SPTY2D1: variants seen among roughly 807,000 people sequenced by gnomAD.
The protein encoded by SPTY2D1 is protein SPT2 homolog.
Under a neutral mutation model 64.0 loss-of-function variants are expected in SPTY2D1, and 21 were observed. The ratio of observed to expected loss-of-function variants is 0.33; its 90% confidence interval spans 0.23 to 0.47. The LOEUF is 0.47. Ranked by LOEUF, SPTY2D1 falls within the 20% of genes least tolerant of loss-of-function variation. The pLI is 1.00. For synonymous variants in SPTY2D1, 287 were observed against 286.8 expected, an observed-to-expected ratio of 1.00 and a Z score of -0.01; for missense variants, 724 against 837.2, an observed-to-expected ratio of 0.86 and a Z score of 1.67.
At chr11:18,623,643 C>T (rs1369463088) in intron 1 of SPTY2D1, among the ~76,000 whole-genome samples, 1 of 152,172 alleles carries the variant, frequency 6.6e-6, no homozygotes, top group Non-Finnish European at 1.5e-5. Context: ...AAGAGCAAAA[C>T]CCGAGGCTTC....
At chr11:18,627,480 C>T (rs1211133798) in intron 1 of SPTY2D1, among the ~76,000 whole-genome samples, 1 of 147,038 alleles carries the variant, frequency 6.8e-6, no homozygotes, top group East Asian at 2.1e-4. Context: ...TGGTGGCTCA[C>T]ATCTGTAATC....
chr11:18,610,686 A>AAAAAAAAAAAAAAAAC (rs1554987436), intron 5 of SPTY2D1, among the ~76,000 whole-genome samples: 3 of 147,296 alleles, frequency 2.0e-5, no homozygotes, highest in African/African-American at 5.1e-5. Context: ...AAAAAAAAAA[A>AAAAAAAAAAAAAAAAC]AACAACAATA....
Position 18,613,850 on chromosome 11 carries a change from C to A in SPTY2D1, c.1711+713G>T, listed in dbSNP as rs75663395. On this transcript the variant is annotated intron_variant, in intron 3 of 5. Transcript: ENST00000336349. ...TACTAACCATTATAACAAGCAGAAACACAAGTACAATCTAAAAACAGTTCC... is the reference window on the plus strand; with the variant it reads ...TACTAACCATTATAACAAGCAGAAAAACAAGTACAATCTAAAAACAGTTCC... Among the ~76,000 whole-genome samples the A allele has an allele frequency of 8.1e-3, 1,232 of 152,148 alleles. 5 individuals carry two copies. The highest frequency in any genetic ancestry group is 0.012 in the Non-Finnish European group (787 of 68,014).
chr11:18,610,642 GGC>G (rs1854186883), intron 5 of SPTY2D1, among the ~76,000 whole-genome samples: 1 of 145,846 alleles, frequency 6.9e-6, no homozygotes, highest in Admixed American at 7.0e-5. Context: ...CTCCAGCCTT[GGC>G]GACAGAGCAA....
intron 1 of SPTY2D1, among the ~76,000 whole-genome samples, chr11:18,621,291 G>C (rs1854391844): frequency 7.0e-6 from 1 of 143,620 alleles, no homozygotes; most frequent in African/African-American, 2.7e-5. Flanking sequence ...ACTCTACCCT[G>C]GGTGAGAAGA....
At chr11:18,632,672 C>T (rs981776043) in intron 1 of SPTY2D1, among the ~76,000 whole-genome samples, 2 of 152,124 alleles carry the variant, frequency 1.3e-5, no homozygotes, top group Middle Eastern at 3.2e-3. Context: ...TTACTTTTTT[C>T]CCCTTTTTGA....
Position 18,615,839 on chromosome 11 carries a change from T to G in SPTY2D1, c.435A>C (p.Glu145Asp). ...NHAESEQEYEEEQEPPKVESK... is the reference protein window; with the variant it reads ...NHAESEQEYEDEQEPPKVESK... ...TTTCAACTTTGGGAGGTTCTTGCTCTTCCTCATACTCCTGCTCTGACTCTG... is the reference window on the plus strand; with the variant it reads ...TTTCAACTTTGGGAGGTTCTTGCTCGTCCTCATACTCCTGCTCTGACTCTG... Residue 145 changes from glutamate (E) to aspartate (D), a missense_variant, in exon 3 of 6, where the codon GAA (glutamate) becomes GAC (aspartate). Transcript: ENST00000336349. 1 of 1,614,110 alleles carries G rather than the reference T, an allele frequency of 6.2e-7. No homozygotes were observed. The highest frequency in any genetic ancestry group is 1.1e-5 in the South Asian group (1 of 91,074).
chr11:18,612,565 GTCA>G lies in SPTY2D1; in HGVS notation c.1712-80_1712-78del. 7.7e-7 allele frequency: 1 copy of G among 1,305,262 alleles called. No individual in the cohort carries two copies. Among genetic ancestry groups the G allele is most frequent in the South Asian group, 1.7e-5 (1 of 59,150 alleles). The allele number at this position is 1,305,262 out of a possible 1,614,324, so 80.9% of individuals were successfully genotyped here. A position where few individuals can be genotyped will look rare whatever the true frequency, so the allele number is the denominator to read the frequency against. Reference sequence around the variant, plus strand: ...AGTTCTATGTAAACTGAAATTGTGAGTCATCATTAAGATGGTATCCTTTAAAAC... The same window carrying G: ...AGTTCTATGTAAACTGAAATTGTGAGTCATTAAGATGGTATCCTTTAAAAC... On this transcript the variant is annotated intron_variant, in intron 3 of 5. Transcript: ENST00000336349. This position sits in a 1 kb window ranked among gnomAD's most constrained non-coding sequence, Gnocchi z 4.6.
At chr11:18,628,294 G>A (rs1854531392) in intron 1 of SPTY2D1, among the ~76,000 whole-genome samples, 3 of 152,182 alleles carry the variant, frequency 2.0e-5, no homozygotes, top group South Asian at 2.1e-4. Context: ...ATGCTGCTGT[G>A]AACATTTGTG....
chr11:18,621,674 A>G (rs556223482), intron 1 of SPTY2D1, among the ~76,000 whole-genome samples: 5 of 152,192 alleles, frequency 3.3e-5, no homozygotes, highest in Admixed American at 6.5e-5. Flanking sequence ...TATTTTGTTG[A>G]TCTTCAACAA....
At chr11:18,623,920 T>C (rs1216980682) in intron 1 of SPTY2D1, among the ~76,000 whole-genome samples, 1 of 152,254 alleles carries the variant, frequency 6.6e-6, no homozygotes, top group Non-Finnish European at 1.5e-5. Context: ...ATTGTATAGA[T>C]ATACCATGCA....
In SPTY2D1 at chr11:18,607,973, C is replaced by T. The variant is rs1854136079; in HGVS notation, c.*1888G>A. 1.3e-5 allele frequency: 2 copies of T among 152,234 alleles called. No homozygotes were observed. The highest frequency in any genetic ancestry group is 4.8e-5 in the African/African-American group (2 of 41,424). 9.4% of individuals were successfully genotyped at this position (152,234 alleles called of 1,614,324 possible). On this transcript the variant is annotated 3_prime_UTR_variant, in exon 6 of 6. Coordinates refer to ENST00000336349, the MANE Select transcript of SPTY2D1 (RefSeq NM_194285.3). ...AGCACTTGATTGTAATGACAGATTT[C>T]AGAGTCTGAATACTGAAAAATATAT...
rs750389715 is a variant in SPTY2D1 at position 18,612,408 on chromosome 11, C to T, written c.1792G>A (p.Asp598Asn). Reference protein sequence around the residue: ...EEEDDDDDEYDSEMEDFIEDE... With the variant: ...EEEDDDDDEYNSEMEDFIEDE... ...TCAATAAAATCTTCCATTTCAGAGTCGTATTCATCATCATCGTCATCTTCC... is the reference window on the plus strand; with the variant it reads ...TCAATAAAATCTTCCATTTCAGAGTTGTATTCATCATCATCGTCATCTTCC... The change falls in exon 4 of 6, where the codon GAC becomes AAC. Residue 598 changes from aspartate to asparagine, a missense_variant. Physicochemically the swap from Asp to Asn is conservative, Grantham distance 23. Around this residue, in one of 3 missense-constraint regions of SPTY2D1, gnomAD observed 119 missense variants for 172.9 expected, o/e 0.69. Coordinates refer to ENST00000336349, the MANE Select transcript of SPTY2D1 (RefSeq NM_194285.3). The surrounding 1 kb of genome is among the most constrained non-coding windows in gnomAD (Gnocchi z 4.6). The T allele has an allele frequency of 2.2e-5, 36 of 1,610,428 alleles. No homozygotes were observed. The highest frequency in any genetic ancestry group is 2.6e-5 in the Non-Finnish European group (31 of 1,177,506).
chr11:18,633,715 G>A (rs1302908339), intron 1 of SPTY2D1, among the ~76,000 whole-genome samples: 1 of 152,154 alleles, frequency 6.6e-6, no homozygotes, highest in Non-Finnish European at 1.5e-5. Context: ...GTGGGGCCGA[G>A]TCAGAGAATT....
chr11:18,609,102 TA>T lies in SPTY2D1; in HGVS notation c.*758del, dbSNP rs1821244374. The stretch of plus-strand genomic sequence containing the variant: ...CGATATAAAAATGAATTTTTTTAGA[TA>T]AAAATCAATCAGCACAGTGACCTTG... On this transcript the variant is annotated 3_prime_UTR_variant, in exon 6 of 6. Coordinates refer to ENST00000336349, the MANE Select transcript of SPTY2D1 (RefSeq NM_194285.3). 1 of 152,178 alleles carries T rather than the reference TA, an allele frequency of 6.6e-6. No individual in the cohort carries two copies. Among genetic ancestry groups the T allele is most frequent in the African/African-American group, 2.4e-5 (1 of 41,460 alleles). 9.4% of individuals were successfully genotyped at this position (152,178 alleles called of 1,614,324 possible). A position where few individuals can be genotyped will look rare whatever the true frequency, so the allele number is the denominator to read the frequency against.
intron 5 of SPTY2D1, chr11:18,610,176 T>C (rs933891277): frequency 6.8e-6 from 3 of 438,702 alleles, no homozygotes; most frequent in African/African-American, 6.0e-5. Flanking sequence ...ACAAAAACCT[T>C]ACTATTTCCA....
intron 1 of SPTY2D1, among the ~76,000 whole-genome samples, chr11:18,630,987 C>T (rs918363326): frequency 5.9e-5 from 9 of 152,014 alleles, no homozygotes; most frequent in Admixed American, 2.0e-4. Context: ...TACAGGTGTG[C>T]CCCACCATGC....
At chr11:18,611,950 G>C (rs1407386578) in intron 4 of SPTY2D1, among the ~76,000 whole-genome samples, 1 of 152,124 alleles carries the variant, frequency 6.6e-6, no homozygotes, top group African/African-American at 2.4e-5. Flanking sequence ...AAAGACTTTA[G>C]ACCAGAGGAA....
intron 3 of SPTY2D1, 41 bp downstream of exon 3, chr11:18,614,522 A>G (rs369809180): frequency 1.3e-6 from 2 of 1,542,730 alleles, no homozygotes; most frequent in African/African-American, 2.8e-5. Context: ...CCAATTTCCT[A>G]ATGACAAATA....
Sources: gnomAD v4.1 joint callset for allele counts (sites outside exome capture counted in the v4.1 genomes callset) on GRCh38, gnomAD v4.1.1 for gene constraint, gnomAD v4.1.1 regional missense constraint, Gnocchi (gnomAD v3.1) non-coding constraint, MANE v1.5 for transcripts, NCBI Gene and HGNC (gene_info 2026-07-23, HGNC 2026-07-21) for gene names.